ERGIC1: variants seen among roughly 807,000 people sequenced by gnomAD.
ERGIC1 encodes endoplasmic reticulum-golgi intermediate compartment 1.
Under a neutral mutation model 38.3 loss-of-function variants are expected in ERGIC1, and 19 were observed. That is an observed-to-expected ratio of 0.50 (90% CI 0.35 to 0.73). The LOEUF is 0.73. Ranked by LOEUF, ERGIC1 falls within the 30% of genes least tolerant of loss-of-function variation. The pLI is 0.01. For missense variants in ERGIC1, 294 were observed against 389.2 expected (o/e 0.76, Z 2.06); for synonymous variants, 124 against 157.6 (o/e 0.79, Z 1.60).
chr5:172,870,070 C>T (rs1761962871), intron 1 of ERGIC1, among the ~76,000 whole-genome samples: 1 of 152,212 alleles, frequency 6.6e-6, no homozygotes, highest in African/African-American at 2.4e-5. Flanking sequence ...TCTCTCTCTT[C>T]TTGCTGTATC....
intron 2 of ERGIC1, among the ~76,000 whole-genome samples, chr5:172,893,893 A>ATGTG (rs1454635586): frequency 5.1e-4 from 10 of 19,768 alleles, no homozygotes; most frequent in African/African-American, 9.8e-4. Flanking sequence ...ATATATATAT[A>ATGTG]TATATATATA....
chr5:172,921,801 G>A (rs1763527192), intron 5 of ERGIC1, among the ~76,000 whole-genome samples: 1 of 152,192 alleles, frequency 6.6e-6, no homozygotes, highest in South Asian at 2.1e-4. Context: ...GGAAGTTTCT[G>A]TCCTCTGCAC....
intron 1 of ERGIC1, chr5:172,866,989 G>T (rs1561708757): frequency 2.8e-6 from 1 of 350,936 alleles, no homozygotes; most frequent in African/African-American, 2.2e-5. Flanking sequence ...AAATGAAAGG[G>T]GATGCAGATG....
At chr5:172,840,216 G>A (rs953613233) in intron 1 of ERGIC1, among the ~76,000 whole-genome samples, 4 of 152,188 alleles carry the variant, frequency 2.6e-5, no homozygotes, top group Admixed American at 1.3e-4. Context: ...CGGGGACATG[G>A]AATGAGATGG....
intron 5 of ERGIC1, chr5:172,920,473 G>A (rs1214231302): frequency 1.4e-6 from 1 of 717,500 alleles, no homozygotes; most frequent in African/African-American, 1.7e-5. Context: ...CGCAGGAGGA[G>A]GACAGGATGG....
chr5:172,938,006 AAAAG>A (rs1554114178), intron 9 of ERGIC1: 159 of 152,272 alleles, frequency 1.0e-3, no homozygotes, highest in Non-Finnish European at 1.9e-3. Flanking sequence ...TCAAAAAAAA[AAAAG>A]AAAGAAATTG....
intron 4 of ERGIC1, among the ~76,000 whole-genome samples, chr5:172,913,826 G>T (rs1271602829): frequency 6.6e-6 from 1 of 152,190 alleles, no homozygotes; most frequent in South Asian, 2.1e-4. Flanking sequence ...CATTCCTGGT[G>T]CTTATCATAG....
At chr5:172,862,406 C>T (rs941290742) in intron 1 of ERGIC1, among the ~76,000 whole-genome samples, 5 of 149,998 alleles carry the variant, frequency 3.3e-5, no homozygotes, top group South Asian at 2.1e-4. Flanking sequence ...CTTACACCAT[C>T]GAGACCACAC....
intron 7 of ERGIC1, among the ~76,000 whole-genome samples, chr5:172,928,121 C>T (rs1236224760): frequency 6.6e-6 from 1 of 152,166 alleles, no homozygotes; most frequent in South Asian, 2.1e-4. Flanking sequence ...CCGACGTCGG[C>T]CGTCCACAAA....
In ERGIC1 at chr5:172,868,598, C is replaced by T. The variant is rs138303590; in HGVS notation, c.21-20101C>T. ...ACGGAGGATTTTTAGGGCAGTGAAACTGTGTGTGATGCTGCAGTGATTGAT... is the reference window on the plus strand; with the variant it reads ...ACGGAGGATTTTTAGGGCAGTGAAATTGTGTGTGATGCTGCAGTGATTGAT... On this transcript the variant is annotated intron_variant, in intron 1 of 9. Transcript: ENST00000393784. Among the ~76,000 whole-genome samples, 269 of 152,246 alleles carry T rather than the reference C, an allele frequency of 1.8e-3. 1 individual carries two copies. Among genetic ancestry groups the T allele is most frequent in the African/African-American group, 5.7e-3 (238 of 41,532 alleles).
rs181628233 is a variant in ERGIC1 at position 172,914,142 on chromosome 5, G to A, written c.251-572G>A. Among the ~76,000 whole-genome samples the A allele has an allele frequency of 7.4e-3, 1,118 of 150,590 alleles. 5 individuals carry two copies. The highest frequency in any genetic ancestry group is 0.013 in the Non-Finnish European group (857 of 67,758). ...CCCAGCTACTTGGGAGGCTGAGGCA[G>A]GAGAATTGCTTGAATGCAGGAGGCG... On this transcript the variant is annotated intron_variant, in intron 4 of 9. Transcript: ENST00000393784.
intron 1 of ERGIC1, among the ~76,000 whole-genome samples, chr5:172,860,151 C>T (rs544308667): frequency 8.6e-5 from 8 of 93,442 alleles, no homozygotes; most frequent in Non-Finnish European, 2.0e-4. Context: ...CAGAGGTGAA[C>T]AAGACATGTC....
chr5:172,860,528 T>C (rs1761670295), intron 1 of ERGIC1, among the ~76,000 whole-genome samples: 1 of 152,202 alleles, frequency 6.6e-6, no homozygotes, highest in Non-Finnish European at 1.5e-5. Flanking sequence ...CCACTGCACC[T>C]CACTGCATGC....
intron 1 of ERGIC1, among the ~76,000 whole-genome samples, chr5:172,868,394 A>G (rs923629658): frequency 6.6e-6 from 1 of 152,220 alleles, no homozygotes; most frequent in Non-Finnish European, 1.5e-5. Flanking sequence ...AGCTAGAAAA[A>G]TGTGAAAAGA....
intron 9 of ERGIC1, among the ~76,000 whole-genome samples, chr5:172,942,018 T>C (rs185064629): frequency 3.4e-4 from 52 of 152,194 alleles, no homozygotes; most frequent in South Asian, 3.3e-3. Context: ...CAGCCTAACA[T>C]GGTGAAACCC....
intron 9 of ERGIC1, among the ~76,000 whole-genome samples, chr5:172,947,626 C>G (rs931968025): frequency 6.6e-6 from 1 of 152,266 alleles, no homozygotes; most frequent in African/African-American, 2.4e-5. Context: ...TAGTCTGCCT[C>G]AGGGTTCCCC....
chr5:172,902,957 A>G lies in ERGIC1; in HGVS notation c.155+5883A>G, dbSNP rs532734321. On this transcript the variant is annotated intron_variant, in intron 3 of 9. Transcript: ENST00000393784. ...CTAGAATTTCAAGGCCCTCCACCAC[A>G]TTCCATTTACACTCCCCCCACCCAC... Among the ~76,000 whole-genome samples, 3 of 151,838 alleles carry G rather than the reference A, an allele frequency of 2.0e-5. No individual in the cohort carries two copies. In the South Asian group the frequency reaches 6.3e-4, roughly 32 times the overall value.
intron 1 of ERGIC1, among the ~76,000 whole-genome samples, chr5:172,857,501 A>G (rs1196555432): frequency 2.0e-5 from 3 of 151,816 alleles, no homozygotes; most frequent in African/African-American, 4.8e-5. Flanking sequence ...CTCTGGCCCC[A>G]CCCTTTGCTG....
At chr5:172,949,665 TA>T (rs1764192912) in intron 9 of ERGIC1, among the ~76,000 whole-genome samples, 1 of 146,162 alleles carries the variant, frequency 6.8e-6, no homozygotes, top group African/African-American at 2.5e-5. Flanking sequence ...CGGGGGGGGG[TA>T]TGATTGGCAT....
Sources: allele counts gnomAD v4.1 joint callset (sites outside exome capture counted in the v4.1 genomes callset), GRCh38; gene constraint gnomAD v4.1.1; transcripts MANE v1.5; gene names NCBI Gene and HGNC (gene_info 2026-07-23, HGNC 2026-07-21).